The following LRBA variants were observed in gnomAD, a reference collection of about 807,000 sequenced individuals.
The protein encoded by LRBA is LPS responsive beige-like anchor protein.
LRBA carries 176 observed loss-of-function variants against 330.0 expected under a neutral mutation model. The observed-to-expected ratio is 0.53, with a 90% CI of 0.47 to 0.60. LRBA has a LOEUF of 0.60. Ranked by LOEUF, LRBA falls within the 20% of genes least tolerant of loss-of-function variation. The pLI, the probability that LRBA is intolerant of heterozygous loss-of-function variation, is 0.00. For synonymous variants in LRBA, 1,230 were observed against 1,193.0 expected (o/e 1.03, Z -0.64); for missense variants, 3,259 against 3,444.8 (o/e 0.95, Z 1.35).
intron 40 of LRBA, chr4:150,584,819 A>C (rs1009234739): frequency 6.5e-6 from 1 of 154,816 alleles, no homozygotes; most frequent in African/African-American, 2.4e-5. Context: ...CAAAATTTTA[A>C]ATACAGTACA....
chr4:150,899,145 C>T lies in LRBA; in HGVS notation c.1924+904G>A, dbSNP rs555492813. Reference sequence around the variant, plus strand: ...GGGGATGCCTCCATTTCTAAGCAATCAGGGCAACTACAACCACAAAAATGG... The same window carrying T: ...GGGGATGCCTCCATTTCTAAGCAATTAGGGCAACTACAACCACAAAAATGG... On this transcript the variant is annotated intron_variant, in intron 14 of 56. Coordinates refer to ENST00000651943, the MANE Select transcript of LRBA (RefSeq NM_001364905.1). Among the ~76,000 whole-genome samples the T allele has an allele frequency of 3.3e-5, 5 of 152,232 alleles. No homozygotes were observed. The South Asian group carries it at 1.0e-3, about 32-fold the overall frequency.
chr4:150,969,124 G>T (rs1739233749), intron 2 of LRBA, among the ~76,000 whole-genome samples: 1 of 152,170 alleles, frequency 6.6e-6, no homozygotes, highest in African/African-American at 2.4e-5. Flanking sequence ...AATGCACCTG[G>T]TCACCTAAGA....
chr4:150,743,640 G>C (rs10028040), intron 35 of LRBA, among the ~76,000 whole-genome samples: 1 of 152,040 alleles, frequency 6.6e-6, no homozygotes, highest in African/African-American at 2.4e-5. Context: ...GCACAACTAG[G>C]CCCATTTGTT....
intron 2 of LRBA, among the ~76,000 whole-genome samples, chr4:151,008,353 T>C (rs1434115521): frequency 6.6e-6 from 1 of 152,126 alleles, no homozygotes; most frequent in African/African-American, 2.4e-5. Context: ...AGTGCTGTGA[T>C]TACAGGCATG....
chr4:150,915,893 T>C (rs1281941690), intron 7 of LRBA, among the ~76,000 whole-genome samples, 166 bp from the exon 8 acceptor site: 2 of 152,170 alleles, frequency 1.3e-5, no homozygotes, highest in Non-Finnish European at 2.9e-5. Context: ...TATCTATTCA[T>C]GGGCCTTTCA....
chr4:150,869,231 T>C (rs1275437155), intron 20 of LRBA, among the ~76,000 whole-genome samples: 2 of 151,466 alleles, frequency 1.3e-5, no homozygotes, highest in Non-Finnish European at 2.9e-5. Flanking sequence ...CCATAGAGAA[T>C]TTTTAAAGGT....
chr4:150,566,196 G>C (rs941979567), intron 40 of LRBA, among the ~76,000 whole-genome samples: 5 of 152,130 alleles, frequency 3.3e-5, no homozygotes, highest in African/African-American at 1.2e-4. Context: ...GCTCCAGCCT[G>C]AGAGACAGAG....
chr4:150,400,089 A>C (rs12499470), intron 47 of LRBA, among the ~76,000 whole-genome samples: 21,058 of 152,190 alleles, frequency 0.14, 1,532 homozygotes, highest in Non-Finnish European at 0.17. Flanking sequence ...ATTTTAGAGA[A>C]GTGTACATTG....
intron 17 of LRBA, among the ~76,000 whole-genome samples, chr4:150,892,295 A>G (rs1729551498): frequency 6.6e-6 from 1 of 152,186 alleles, no homozygotes; most frequent in Non-Finnish European, 1.5e-5. Context: ...GTTTGCATAC[A>G]CCCAAAATTC....
chr4:150,924,941 G>A (rs112637021), intron 4 of LRBA, among the ~76,000 whole-genome samples: 5 of 152,156 alleles, frequency 3.3e-5, no homozygotes, highest in African/African-American at 1.2e-4. Flanking sequence ...CTAGCACTCT[G>A]GGAGGACTGC....
intron 47 of LRBA, among the ~76,000 whole-genome samples, chr4:150,400,427 T>C (rs1392802408): frequency 6.6e-6 from 1 of 152,226 alleles, no homozygotes; most frequent in Non-Finnish European, 1.5e-5. Context: ...AAAAATTTTG[T>C]CGTTTTACTT....
chr4:150,651,442 T>C (rs1779701071), intron 37 of LRBA, among the ~76,000 whole-genome samples: 1 of 152,142 alleles, frequency 6.6e-6, no homozygotes, highest in South Asian at 2.1e-4. Flanking sequence ...TGAAAATATA[T>C]ATTTGGTGAT....
chr4:150,763,158 G>C (rs1227552995), intron 34 of LRBA, among the ~76,000 whole-genome samples: 1 of 151,942 alleles, frequency 6.6e-6, no homozygotes, highest in Non-Finnish European at 1.5e-5. Flanking sequence ...TAAAACGTTG[G>C]AGGGTAGTCA....
chr4:150,804,504 C>T (rs974749999), intron 33 of LRBA, among the ~76,000 whole-genome samples: 5 of 152,130 alleles, frequency 3.3e-5, no homozygotes, highest in Non-Finnish European at 7.4e-5. Context: ...CCATTATATC[C>T]TTATTGCTAC....
chr4:150,701,251 T>G (rs1292375049), intron 36 of LRBA, among the ~76,000 whole-genome samples: 1 of 152,106 alleles, frequency 6.6e-6, no homozygotes, highest in Non-Finnish European at 1.5e-5. Context: ...GACAATGCCT[T>G]CTTCTGGAAT....
chr4:150,502,724 G>A (rs538730656), intron 40 of LRBA, among the ~76,000 whole-genome samples: 32 of 152,226 alleles, frequency 2.1e-4, no homozygotes, highest in Non-Finnish European at 4.4e-4. Flanking sequence ...TGGGTGCAGC[G>A]CACCGTGCGT....
intron 40 of LRBA, among the ~76,000 whole-genome samples, chr4:150,529,649 G>A (rs1240470518): frequency 6.6e-6 from 1 of 151,666 alleles, no homozygotes; most frequent in Non-Finnish European, 1.5e-5. Context: ...CAGGACCCAG[G>A]TAGCGGAGGT....
chr4:150,941,086 T>G (rs973702555), intron 2 of LRBA, among the ~76,000 whole-genome samples: 18 of 152,142 alleles, frequency 1.2e-4, no homozygotes, highest in Admixed American at 2.6e-4. Flanking sequence ...TCGTGCAGCC[T>G]GTGCCTCTCT....
At chr4:150,617,267 A>T (rs1356412181) in intron 37 of LRBA, among the ~76,000 whole-genome samples, 2 of 152,258 alleles carry the variant, frequency 1.3e-5, no homozygotes, top group African/African-American at 2.4e-5. Context: ...ATTTAACGAT[A>T]AAACACTTAA....
Sources: gnomAD v4.1 joint callset for allele counts (sites outside exome capture counted in the v4.1 genomes callset) on GRCh38, gnomAD v4.1.1 for gene constraint, MANE v1.5 for transcripts, NCBI Gene and HGNC (gene_info 2026-07-23, HGNC 2026-07-21) for gene names.